The following SLC9A6 variants were observed in gnomAD, a reference collection of about 807,000 sequenced individuals.
SLC9A6 encodes the protein solute carrier family 9 member A6.
In SLC9A6, 6 loss-of-function variants were observed where a neutral mutation model predicts 45.3. The observed-to-expected ratio is 0.13, with a 90% CI of 0.07 to 0.26. The LOEUF (loss-of-function observed/expected upper bound fraction) is 0.26. Among genes scored for constraint, SLC9A6 ranks in the 10% least tolerant of loss-of-function variants. SLC9A6 has a pLI of 1.00. For synonymous variants in SLC9A6, 191 were observed against 187.7 expected, an observed-to-expected ratio of 1.02 and a Z score of -0.14; for missense variants, 278 against 503.7, an observed-to-expected ratio of 0.55 and a Z score of 4.29.
rs2071593141 is a variant in SLC9A6 at position 136,045,962 on chromosome X, C to A, written c.*1238C>A. On this transcript the variant is annotated 3_prime_UTR_variant, in exon 18 of 18. Transcript: ENST00000630721. The stretch of plus-strand genomic sequence containing the variant: ...GCCATGCATTTTTTTTTTTACAGTT[C>A]TCAAGGAAGAGCACAGAACAATTTC... 9.1e-6 allele frequency: 1 copy of A among 110,196 alleles called. No homozygotes were observed. Among genetic ancestry groups the A allele is most frequent in the African/African-American group, 3.3e-5 (1 of 30,244 alleles). The allele number at this position is 110,196 out of a possible 1,213,427, so 9.1% of individuals were successfully genotyped here.
intron 17 of SLC9A6, among the ~76,000 whole-genome samples, chrX:136,042,374 C>T (rs1556622783): frequency 9.0e-6 from 1 of 110,849 alleles, no homozygotes. Context: ...GACGAGGTTT[C>T]GCCATGTCAG....
Position 136,046,665 on chromosome X carries a change from G to T in SLC9A6, c.*1941G>T, listed in dbSNP as rs895739560. ...ACTTTTCACTAGGGAAACTGATAAAGCTTGAGTCAACTAAATCTGCCTTCA... is the reference window on the plus strand; with the variant it reads ...ACTTTTCACTAGGGAAACTGATAAATCTTGAGTCAACTAAATCTGCCTTCA... On this transcript the variant is annotated 3_prime_UTR_variant, in exon 18 of 18. Coordinates refer to ENST00000630721, the MANE Select transcript of SLC9A6 (RefSeq NM_001379110.1). The T allele has an allele frequency of 8.9e-6, 1 of 112,668 alleles. No homozygotes were observed. The highest frequency in any genetic ancestry group is 3.2e-5 in the African/African-American group (1 of 30,926). The allele number at this position is 112,668 out of a possible 1,213,427, so 9.3% of individuals were successfully genotyped here.
intron 11 of SLC9A6, among the ~76,000 whole-genome samples, chrX:136,018,364 C>T (rs1444024741): frequency 9.0e-6 from 1 of 111,724 alleles, no homozygotes; most frequent in African/African-American, 3.3e-5. Context: ...AACCAATCTG[C>T]CCCATTGAAT....
At chrX:135,993,282 G>A (rs1180905003) in intron 2 of SLC9A6, among the ~76,000 whole-genome samples, 5 of 111,259 alleles carry the variant, frequency 4.5e-5, no homozygotes, top group Non-Finnish European at 7.5e-5. Context: ...CTGTGGATTC[G>A]GGCATGGGGG....
In SLC9A6 at chrX:136,005,694, AGAG is replaced by A. The variant is rs1410931649; in HGVS notation, c.743+3482_743+3484del. ...AGACTGTCTCAAAAAAAAAAAAAAA[AGAG>A]AGAGAGCCCTTTCCATAGCATTTCT... On this transcript the variant is annotated intron_variant, in intron 7 of 17. Transcript: ENST00000630721. 1.0e-4 allele frequency among the ~76,000 whole-genome samples: 9 copies of A among 87,783 alleles called. No homozygotes were observed. The East Asian group carries it at 1.9e-3, about 18-fold the overall frequency. 76.2% of individuals were successfully genotyped at this position (87,783 alleles called of 115,157 possible).
intron 2 of SLC9A6, 128 bp from the exon 3 acceptor site, chrX:135,994,658 C>T: frequency 1.7e-6 from 1 of 599,190 alleles, no homozygotes; most frequent in South Asian, 2.3e-5. Flanking sequence ...AACTGCATTT[C>T]ATCTAAAAAT....
At chrX:136,023,831 A>G (rs1248287192) in intron 12 of SLC9A6, among the ~76,000 whole-genome samples, 1 of 112,011 alleles carries the variant, frequency 8.9e-6, no homozygotes, top group East Asian at 2.8e-4. Flanking sequence ...AATTTAAAAA[A>G]ATTACTGAAA....
chrX:136,022,044 G>A (rs2071135269), intron 11 of SLC9A6, among the ~76,000 whole-genome samples: 1 of 111,750 alleles, frequency 8.9e-6, no homozygotes, highest in South Asian at 3.8e-4. Flanking sequence ...TAAACTTAGT[G>A]GAGTACAGTG....
intron 11 of SLC9A6, 41 bp from the exon 12 acceptor site, chrX:136,022,545 A>G (rs2071145375): frequency 1.2e-6 from 1 of 852,062 alleles, no homozygotes; most frequent in African/African-American, 2.0e-5. Context: ...AATAATATTA[A>G]TAGTAAAATG....
Position 135,995,087 on chromosome X carries a change from A to G in SLC9A6, c.369+102A>G, listed in dbSNP as rs1289820860. ...TGGATTTTTAATGATATTTAAAATAATGAGTCTTTTTCAATGGAGTAAAAC... is the reference window on the plus strand; with the variant it reads ...TGGATTTTTAATGATATTTAAAATAGTGAGTCTTTTTCAATGGAGTAAAAC... On this transcript the variant is annotated intron_variant, in intron 3 of 17. Transcript: ENST00000630721. 2.6e-5 allele frequency: 14 copies of G among 543,324 alleles called. 1 individual carries two copies. In the East Asian group the frequency reaches 5.0e-4, roughly 20 times the overall value. 44.8% of individuals were successfully genotyped at this position (543,324 alleles called of 1,213,427 possible).
intron 16 of SLC9A6, among the ~76,000 whole-genome samples, chrX:136,036,736 C>G (rs2071418963): frequency 8.9e-6 from 1 of 112,633 alleles, no homozygotes; most frequent in African/African-American, 3.2e-5. Context: ...GGCTAGAAGT[C>G]CATTTTATTC....
chrX:136,029,556 C>A, intron 14 of SLC9A6: 1 of 117,485 alleles, frequency 8.5e-6, no homozygotes, highest in Non-Finnish European at 1.8e-5. Flanking sequence ...TGTGAGTGCC[C>A]GTGTTTAGGG....
intron 2 of SLC9A6, among the ~76,000 whole-genome samples, chrX:135,993,963 A>C (rs1400455075): frequency 8.9e-6 from 1 of 111,859 alleles, no homozygotes; most frequent in Non-Finnish European, 1.9e-5. Context: ...TAGAAGTAGA[A>C]GAACTCAATC....
In SLC9A6 at chrX:135,996,023, C is replaced by CT. The variant is rs1167208674; in HGVS notation, c.369+1064dup. Among the ~76,000 whole-genome samples the CT allele has an allele frequency of 5.0e-3, 278 of 55,342 alleles. 17 individuals are homozygous for CT. Among genetic ancestry groups the CT allele is most frequent in the Non-Finnish European group, 6.2e-3 (188 of 30,282 alleles). 48.1% of individuals were successfully genotyped at this position (55,342 alleles called of 115,157 possible). On this transcript the variant is annotated intron_variant, in intron 3 of 17. Transcript: ENST00000630721. ...TGTCTGCTACATTGGCAGGACTTGACTTTTTTTTTTTTTTTTTTTTTTTTT... is the reference window on the plus strand; with the variant it reads ...TGTCTGCTACATTGGCAGGACTTGACTTTTTTTTTTTTTTTTTTTTTTTTTT...
At chrX:135,989,431 C>T (rs146158726) in intron 2 of SLC9A6, among the ~76,000 whole-genome samples, 1 of 111,879 alleles carries the variant, frequency 8.9e-6, no homozygotes, top group African/African-American at 3.2e-5. Flanking sequence ...ATTTGTATTG[C>T]CTTAAGCTTA....
intron 2 of SLC9A6, among the ~76,000 whole-genome samples, 171 bp from the exon 3 acceptor site, chrX:135,994,611 CTGTT>C (rs1556616185): frequency 1.8e-5 from 2 of 111,640 alleles, no homozygotes; most frequent in South Asian, 7.4e-4. Flanking sequence ...GAAGATTGGG[CTGTT>C]TGTTGTATGA....
At chrX:136,018,328 G>T (rs1297949832) in intron 11 of SLC9A6, among the ~76,000 whole-genome samples, 1 of 112,113 alleles carries the variant, frequency 8.9e-6, no homozygotes, top group East Asian at 2.8e-4. Context: ...GATCCATTGT[G>T]TTTGAGAAAT....
intron 4 of SLC9A6, 70 bp downstream of exon 4, chrX:135,998,255 T>C (rs980253507): frequency 4.3e-6 from 3 of 696,496 alleles, no homozygotes; most frequent in Non-Finnish European, 7.0e-6. Context: ...ATTTGACACT[T>C]CAGAAATGGG....
At chrX:135,979,168 G>C (rs1406566611) in intron 1 of SLC9A6, among the ~76,000 whole-genome samples, 1 of 111,081 alleles carries the variant, frequency 9.0e-6, no homozygotes, top group Admixed American at 9.6e-5. Context: ...GTGAGCAGCA[G>C]GGCCTAGACG....
Sources: gnomAD v4.1 joint callset for allele counts (sites outside exome capture counted in the v4.1 genomes callset) on GRCh38, gnomAD v4.1.1 for gene constraint, MANE v1.5 for transcripts, NCBI Gene and HGNC (gene_info 2026-07-23, HGNC 2026-07-21) for gene names.